Variants in MCOLN3 observed in about 807,000 individuals in gnomAD.
The protein encoded by MCOLN3 is mucolipin-3.
MCOLN3 carries 62 observed loss-of-function variants against 69.4 expected under a neutral mutation model. The ratio of observed to expected loss-of-function variants is 0.89; its 90% CI spans 0.73 to 1.10. The LOEUF is 1.10. Ranked by LOEUF, MCOLN3 falls within the 50% of genes least tolerant of loss-of-function variation. The pLI, the probability that MCOLN3 is intolerant of heterozygous loss-of-function variation, is 0.00. For synonymous variants in MCOLN3, 183 were observed against 217.0 expected, an observed-to-expected ratio of 0.84 and a Z score of 1.38; for missense variants, 564 against 656.4, an observed-to-expected ratio of 0.86 and a Z score of 1.54.
intron 4 of MCOLN3, among the ~76,000 whole-genome samples, chr1:85,033,570 A>C (rs1652645710): frequency 6.6e-6 from 1 of 152,228 alleles, no homozygotes; most frequent in South Asian, 2.1e-4. Flanking sequence ...AACTTTGCTA[A>C]GAAGAATACG....
chr1:85,037,922 C>T (rs572177122), intron 3 of MCOLN3, among the ~76,000 whole-genome samples: 1 of 152,266 alleles, frequency 6.6e-6, no homozygotes, highest in East Asian at 1.9e-4. Context: ...ATTCATGGGT[C>T]CCAGGTCAGC....
intron 1 of MCOLN3, among the ~76,000 whole-genome samples, chr1:85,046,298 T>C: frequency 8.9e-5 from 1 of 11,186 alleles, no homozygotes; most frequent in East Asian, 3.4e-3. Context: ...AAGTACTTCA[T>C]ATCTATTTGG....
intron 9 of MCOLN3, among the ~76,000 whole-genome samples, chr1:85,023,737 C>G (rs993124108): frequency 2.6e-5 from 4 of 152,138 alleles, no homozygotes; most frequent in African/African-American, 9.7e-5. Context: ...ATTACCAAGA[C>G]AGTGGCAGAA....
At position 85,026,022 on chromosome 1, in the gene MCOLN3, C is replaced by A. The variant is rs773685792; in HGVS notation, c.1012G>T (p.Val338Phe). ...ATAATCATAATGTACCATCCATTGA[C>A]AAATTCCATTTGATCAGAAACAGAA... ...EVSVSDQMEF[V>F]NGWYIMIIIS... The change falls in exon 9 of 13, where the codon GTC becomes TTC. Residue 338 changes from valine to phenylalanine, a missense_variant. Coordinates refer to ENST00000370589, the MANE Select transcript of MCOLN3 (RefSeq NM_018298.11). The A allele has an allele frequency of 1.2e-6, 2 of 1,600,592 alleles. No homozygotes were observed. Among genetic ancestry groups the A allele is most frequent in the Non-Finnish European group, 1.7e-6 (2 of 1,173,226 alleles).
intron 3 of MCOLN3, among the ~76,000 whole-genome samples, chr1:85,037,710 G>C (rs1045593008): frequency 6.6e-6 from 1 of 152,196 alleles, no homozygotes; most frequent in African/African-American, 2.4e-5. Flanking sequence ...CAGCTAGAGG[G>C]CAGCTCTAGA....
intron 9 of MCOLN3, chr1:85,023,520 T>C (rs549181189): frequency 2.0e-5 from 3 of 152,328 alleles, no homozygotes; most frequent in Admixed American, 6.5e-5. Context: ...TGAAAGGCTA[T>C]GGGAAAAGCA....
At chr1:85,022,491 T>C (rs1306957267) in intron 9 of MCOLN3, 91 bp from the exon 10 acceptor site, 41 of 825,870 alleles carry the variant, frequency 5.0e-5, no homozygotes, top group Non-Finnish European at 5.5e-5. Flanking sequence ...GGCACTGTTT[T>C]AGGTGCTAAG....
chr1:85,021,173 C>T lies in MCOLN3; in HGVS notation c.1424G>A (p.Trp475Ter). The T allele has an allele frequency of 6.2e-7, 1 of 1,613,640 alleles. No homozygotes were observed. Residue 475 changes from tryptophan (W) to a stop codon, truncating the protein, a stop_gained, in exon 12 of 13, where the codon TGG becomes TAG. Transcript: ENST00000370589. LOFTEE classifies it high-confidence loss of function. ...GTAGAGGTAAATTCTACTAAACAGC[C>T]AGACTAAGTAACTTTTTTGCTGCAT... ...AKMQQKSYLV[W>*]LFSRIYLYSF...
chr1:85,019,821 C>T (rs527514739), intron 12 of MCOLN3, among the ~76,000 whole-genome samples: 1 of 152,132 alleles, frequency 6.6e-6, no homozygotes, highest in African/African-American at 2.4e-5. Context: ...ATCTGCACAC[C>T]CTTTTGGAGT....
chr1:85,032,679 G>C lies in MCOLN3; in HGVS notation c.732+17C>G, dbSNP rs772126010. On this transcript the variant is annotated intron_variant, in intron 6 of 12. Transcript: ENST00000370589. ...TTTCTCCAGACTGGAACCAAATTCA[G>C]CCTGGCCCACACTTACAGTCAGAGT... 1.9e-6 allele frequency: 3 copies of C among 1,585,426 alleles called. No homozygotes were observed. Among genetic ancestry groups the C allele is most frequent in the Non-Finnish European group, 2.6e-6 (3 of 1,154,822 alleles).
At chr1:85,020,711 C>T (rs1169508526) in intron 12 of MCOLN3, among the ~76,000 whole-genome samples, 2 of 152,252 alleles carry the variant, frequency 1.3e-5, no homozygotes, top group Middle Eastern at 3.4e-3. Flanking sequence ...TTTTATGTTC[C>T]CCACAATATT....
chr1:85,046,546 T>A (rs2102948489), intron 1 of MCOLN3, among the ~76,000 whole-genome samples: 1 of 152,322 alleles, frequency 6.6e-6, no homozygotes, highest in East Asian at 1.9e-4. Flanking sequence ...ATTTTAATAA[T>A]AACTTGTACT....
rs1477447600 is a variant in MCOLN3 at position 85,021,271 on chromosome 1, A to G, written c.1326T>C (p.Arg442=). Residue 442 remains arginine (R), a synonymous_variant, in exon 12 of 13, where the codon CGT becomes CGC. Transcript: ENST00000370589. Reference sequence around the variant, plus strand: ...GGCACTCAGAGACCATGTTCAGAGAACGAAACTGGAAAAAGAAAAGAGAAA... The same window carrying G: ...GGCACTCAGAGACCATGTTCAGAGAGCGAAACTGGAAAAAGAAAAGAGAAA... ...IVLGPYHDKF[R]SLNMVSECLF... is the part of the protein sequence containing the mutation. 2 of 1,606,978 alleles carry G rather than the reference A, an allele frequency of 1.2e-6. No homozygotes were observed. Among genetic ancestry groups the G allele is most frequent in the Non-Finnish European group, 8.5e-7 (1 of 1,178,016 alleles).
intron 9 of MCOLN3, 116 bp downstream of exon 9, chr1:85,025,823 C>T: frequency 9.3e-7 from 1 of 1,070,490 alleles, no homozygotes; most frequent in Non-Finnish European, 1.4e-6. Flanking sequence ...TTCAAGTCTA[C>T]TTGATATACA....
At chr1:85,037,601 G>A (rs1389575840) in intron 3 of MCOLN3, among the ~76,000 whole-genome samples, 1 of 152,142 alleles carries the variant, frequency 6.6e-6, no homozygotes, top group Admixed American at 6.5e-5. Flanking sequence ...AACTATATAC[G>A]CTATAGCCAG....
intron 3 of MCOLN3, among the ~76,000 whole-genome samples, chr1:85,034,463 A>T (rs1448685314): frequency 1.3e-5 from 2 of 152,236 alleles, no homozygotes; most frequent in Admixed American, 6.5e-5. Context: ...CATTTCTGTG[A>T]CAAACTTTCT....
chr1:85,021,368 C>G, intron 11 of MCOLN3, 92 bp from the exon 12 acceptor site: 7 of 1,027,454 alleles, frequency 6.8e-6, no homozygotes, highest in Non-Finnish European at 1.0e-5. Context: ...ATAAAGGGAC[C>G]AGATAACCCA....
intron 2 of MCOLN3, among the ~76,000 whole-genome samples, chr1:85,043,050 G>C (rs532174749): frequency 6.6e-6 from 1 of 152,312 alleles, no homozygotes; most frequent in East Asian, 1.9e-4. Flanking sequence ...TAGGAAGGTA[G>C]ATGAGCTCCC....
Position 85,021,138 on chromosome 1 carries a change from T to C in MCOLN3, c.1459A>G (p.Ser487Gly). 1 of 1,613,000 alleles carries C rather than the reference T, an allele frequency of 6.2e-7. No individual in the cohort carries two copies. Among genetic ancestry groups the C allele is most frequent in the Non-Finnish European group, 8.5e-7 (1 of 1,179,420 alleles). Reference sequence around the variant, plus strand: ...CTTAAAATCATATATATAAAGAGGCTGATGAATGAGTAGAGGTAAATTCTA... The same window carrying C: ...CTTAAAATCATATATATAAAGAGGCCGATGAATGAGTAGAGGTAAATTCTA... Reference protein sequence around the residue: ...FSRIYLYSFISLFIYMILSLF... With the variant: ...FSRIYLYSFIGLFIYMILSLF... Residue 487 changes from serine (S) to glycine (G), a missense_variant, in exon 12 of 13, where the codon AGC becomes GGC. By Grantham distance (56) the Ser-to-Gly change is moderately conservative. Coordinates refer to ENST00000370589, the MANE Select transcript of MCOLN3 (RefSeq NM_018298.11).
Sources: allele counts gnomAD v4.1 joint callset (sites outside exome capture counted in the v4.1 genomes callset), GRCh38; gene constraint gnomAD v4.1.1; transcripts MANE v1.5; gene names NCBI Gene and HGNC (gene_info 2026-07-23, HGNC 2026-07-21).